Variants in CBLN2 observed in about 807,000 individuals in gnomAD.
CBLN2 encodes the protein cerebellin 2 precursor, also known as cerebellin-2.
In CBLN2, 7 loss-of-function variants were observed where a neutral mutation model predicts 15.0. The ratio of observed to expected loss-of-function variants is 0.47; its 90% CI spans 0.27 to 0.88. The LOEUF is 0.88. CBLN2 is among the 40% of genes least tolerant of loss of function. The probability of loss-of-function intolerance (pLI) is 0.14; values close to 1 mark genes in which losing one functional copy is unlikely to be tolerated. For synonymous variants in CBLN2, 149 were observed against 135.2 expected (o/e 1.10, Z -0.71); for missense variants, 242 against 304.5 (o/e 0.79, Z 1.53).
upstream of CBLN2, among the ~76,000 whole-genome samples, chr18:72,548,821 A>T (rs140641987): frequency 4.2e-3 from 644 of 152,182 alleles, 8 homozygotes; most frequent in African/African-American, 0.015. Flanking sequence ...CCATAAATGC[A>T]CCCAGGCTGC....
chr18:72,615,186 A>G (rs1324824486), intron 1 of CBLN2, among the ~76,000 whole-genome samples: 3 of 135,238 alleles, frequency 2.2e-5, no homozygotes, highest in Non-Finnish European at 4.7e-5. Flanking sequence ...TTTATATATT[A>G]TATATAAATA....
At chr18:72,545,688 A>G (rs543982028), upstream of CBLN2, among the ~76,000 whole-genome samples, 11 of 152,354 alleles carry the variant, frequency 7.2e-5, no homozygotes, top group Non-Finnish European at 1.3e-4. Context: ...AAGTGTAAGC[A>G]TAGATAGCAA....
chr18:72,625,545 G>A (rs1164599274), intron 1 of CBLN2, among the ~76,000 whole-genome samples: 2 of 151,386 alleles, frequency 1.3e-5, no homozygotes, highest in Non-Finnish European at 2.9e-5. Context: ...CCAACACAAT[G>A]CATGATACAC....
chr18:72,580,754 T>G (rs1025272462), intron 1 of CBLN2, among the ~76,000 whole-genome samples: 16 of 152,242 alleles, frequency 1.1e-4, no homozygotes, highest in Non-Finnish European at 2.4e-4. Context: ...AACATTTAGA[T>G]TATTTTGAAA....
At chr18:72,582,063 C>A (rs2069409641) in intron 1 of CBLN2, among the ~76,000 whole-genome samples, 1 of 152,144 alleles carries the variant, frequency 6.6e-6, no homozygotes, top group Non-Finnish European at 1.5e-5. Context: ...GTCCAAATCT[C>A]CACAGGGCTA....
chr18:72,608,428 C>G (rs889249659), intron 1 of CBLN2, among the ~76,000 whole-genome samples: 1 of 152,190 alleles, frequency 6.6e-6, no homozygotes, highest in Non-Finnish European at 1.5e-5. Context: ...CAGCTGCCTT[C>G]TTTTCCTGGG....
chr18:72,608,654 C>G (rs1185904871), intron 1 of CBLN2, among the ~76,000 whole-genome samples: 2 of 152,108 alleles, frequency 1.3e-5, no homozygotes, highest in East Asian at 3.8e-4. Context: ...TATAAGGGAC[C>G]ATTTTCAAAG....
chr18:72,619,164 C>T, intron 1 of CBLN2: 1 of 763,632 alleles, frequency 1.3e-6, no homozygotes. Flanking sequence ...ACCACAAAAC[C>T]AAGGTGGCTG....
At position 72,538,050 on chromosome 18, in the gene CBLN2, C is replaced by T. The variant is rs949636725; in HGVS notation, c.*126G>A. 1.1e-6 allele frequency: 1 copy of T among 920,012 alleles called. No individual in the cohort carries two copies. Among genetic ancestry groups the T allele is most frequent in the African/African-American group, 1.7e-5 (1 of 59,960 alleles). The allele number at this position is 920,012 out of a possible 1,614,324, so 57.0% of individuals were successfully genotyped here. A position where few individuals can be genotyped will look rare whatever the true frequency, so the allele number is the denominator to read the frequency against. ...ACTGGAGGTTTCAAAGGAAATCATTCTTCTACTGCAACAGTCTGACGGAGG... is the reference window on the plus strand; with the variant it reads ...ACTGGAGGTTTCAAAGGAAATCATTTTTCTACTGCAACAGTCTGACGGAGG... On this transcript the variant is annotated 3_prime_UTR_variant, in exon 5 of 5. Coordinates refer to ENST00000269503, the MANE Select transcript of CBLN2 (RefSeq NM_182511.4).
chr18:72,547,795 T>C (rs577011492), upstream of CBLN2, among the ~76,000 whole-genome samples: 2 of 152,352 alleles, frequency 1.3e-5, no homozygotes, highest in East Asian at 1.9e-4. Context: ...TGTTCTCCCG[T>C]AGAAATAAAA....
intron 1 of CBLN2, among the ~76,000 whole-genome samples, chr18:72,573,184 G>A (rs1483315748): frequency 2.0e-5 from 3 of 152,158 alleles, no homozygotes; most frequent in Non-Finnish European, 2.9e-5. Context: ...TGCTCAGATG[G>A]CCCTACAGAA....
intron 1 of CBLN2, among the ~76,000 whole-genome samples, chr18:72,586,296 C>T (rs550619051): frequency 1.3e-5 from 2 of 152,318 alleles, no homozygotes; most frequent in African/African-American, 4.8e-5. Flanking sequence ...CATTATATAA[C>T]TGTGGCTGGC....
chr18:72,612,492 C>T (rs939373421), intron 1 of CBLN2, among the ~76,000 whole-genome samples: 2 of 146,094 alleles, frequency 1.4e-5, no homozygotes, highest in East Asian at 3.9e-4. Flanking sequence ...TGCAGAATGG[C>T]CCCCTTACCT....
Position 72,581,101 on chromosome 18 carries a change from A to G in CBLN2, c.16-42329T>C, listed in dbSNP as rs1011955881. Among the ~76,000 whole-genome samples the G allele has an allele frequency of 1.1e-4, 17 of 152,176 alleles. 1 individual carries two copies. The highest frequency in any genetic ancestry group is 3.6e-4 in the African/African-American group (15 of 41,444). On this transcript the variant is annotated intron_variant, in intron 1 of 2. Coordinates refer to the CBLN2 transcript ENST00000581073. ...ATCCCCCTACCCTTAGTAATTTTCT[A>G]TCCACTGACTGCCTCACTCTGCTCT...
chr18:72,536,706 A>T lies in CBLN2; in HGVS notation c.*1470T>A, dbSNP rs1363439051. On this transcript the variant is annotated 3_prime_UTR_variant, in exon 5 of 5. Transcript: ENST00000269503. ...CCAGACATCAAACCCATTTATTCTG[A>T]ATCTTAAATTATGACTTTTATCATC... 6.6e-6 allele frequency: 1 copy of T among 152,634 alleles called. No individual in the cohort carries two copies. The highest frequency in any genetic ancestry group is 2.4e-5 in the African/African-American group (1 of 41,448). 9.5% of individuals were successfully genotyped at this position (152,634 alleles called of 1,614,324 possible).
In CBLN2 at chr18:72,551,959, A is replaced by G. The variant is rs184170367; in HGVS notation, c.16-13187T>C. ...GACCTTTCATATCAAAAAGTTAACT[A>G]CTGGTTGTTTCTTTGTGTATGTGAT... On this transcript the variant is annotated intron_variant, in intron 1 of 2. Transcript: ENST00000581073. Among the ~76,000 whole-genome samples the G allele has an allele frequency of 4.1e-4, 62 of 152,204 alleles. 1 individual carries two copies. Among genetic ancestry groups the G allele is most frequent in the Admixed American group, 4.1e-3 (62 of 15,280 alleles).
intron 1 of CBLN2, among the ~76,000 whole-genome samples, chr18:72,549,921 C>A (rs2069181616): frequency 6.6e-6 from 1 of 152,080 alleles, no homozygotes; most frequent in South Asian, 2.1e-4. Context: ...AAAAATGAAA[C>A]CCTCTGGCTC....
intron 1 of CBLN2, among the ~76,000 whole-genome samples, chr18:72,555,368 T>C (rs533423124): frequency 6.6e-6 from 1 of 152,034 alleles, no homozygotes; most frequent in Non-Finnish European, 1.5e-5. Flanking sequence ...AGATAGTTTT[T>C]GAGGGGGAGG....
Position 72,587,643 on chromosome 18 carries a change from A to C in CBLN2, c.16-48871T>G, listed in dbSNP as rs374145855. Among the ~76,000 whole-genome samples the C allele has an allele frequency of 3.3e-5, 5 of 152,304 alleles. No individual in the cohort carries two copies. In the East Asian group the frequency reaches 9.7e-4, roughly 29 times the overall value. On this transcript the variant is annotated intron_variant, in intron 1 of 2. Transcript: ENST00000581073. ...CAGGTGACTCTTTCTGTTTGACTTC[A>C]AAGACAATGATCATTACATTTGAAT...
Sources: gnomAD v4.1 joint callset for allele counts (sites outside exome capture counted in the v4.1 genomes callset) on GRCh38, gnomAD v4.1.1 for gene constraint, MANE v1.5 for transcripts, NCBI Gene and HGNC (gene_info 2026-07-23, HGNC 2026-07-21) for gene names.